TSPAN18: variants seen among roughly 807,000 people sequenced by gnomAD.
TSPAN18 encodes the protein tetraspanin-18.
TSPAN18 carries 14 observed loss-of-function variants against 27.3 expected under a neutral mutation model. The ratio of observed to expected loss-of-function variants is 0.51; its 90% CI spans 0.34 to 0.80. TSPAN18 has a LOEUF of 0.80. TSPAN18 is among the 30% of genes least tolerant of loss of function. The pLI is 0.01. For synonymous variants in TSPAN18, 143 were observed against 136.5 expected (o/e 1.05, Z -0.33); for missense variants, 268 against 323.9 (o/e 0.83, Z 1.32).
chr11:44,822,551 A>G, intron 2 of TSPAN18, among the ~76,000 whole-genome samples: 1 of 151,474 alleles, frequency 6.6e-6, no homozygotes, highest in Non-Finnish European at 1.5e-5. Context: ...CGTCACTTCC[A>G]CTATCATTGG....
At chr11:44,789,682 CCCAGAATGATG>C in intron 2 of TSPAN18, among the ~76,000 whole-genome samples, 1 of 152,114 alleles carries the variant, frequency 6.6e-6, no homozygotes, top group Admixed American at 6.6e-5. Context: ...GGGCCTGATA[CCCAGAATGATG>C]GTATTCGTGG....
intron 1 of TSPAN18, among the ~76,000 whole-genome samples, chr11:44,734,471 C>T (rs1311607466): frequency 2.6e-5 from 4 of 152,204 alleles, no homozygotes; most frequent in Admixed American, 6.5e-5. Context: ...GTGCCTGGCA[C>T]ATAGTAGGTG....
At chr11:44,819,144 C>G (rs1354459025) in intron 2 of TSPAN18, among the ~76,000 whole-genome samples, 1 of 152,312 alleles carries the variant, frequency 6.6e-6, no homozygotes, top group East Asian at 1.9e-4. Context: ...CCCCTTCTGT[C>G]AAGGCTGCCT....
chr11:44,760,265 G>A (rs573235128), intron 1 of TSPAN18, among the ~76,000 whole-genome samples: 1 of 152,200 alleles, frequency 6.6e-6, no homozygotes, highest in Non-Finnish European at 1.5e-5. Context: ...AGGGCAGAGC[G>A]GGGAACAAAG....
intron 3 of TSPAN18, among the ~76,000 whole-genome samples, chr11:44,897,527 C>T (rs1337497425): frequency 1.3e-5 from 2 of 152,198 alleles, no homozygotes; most frequent in African/African-American, 2.4e-5. Flanking sequence ...CAAGGCAGCA[C>T]CTGCAAAGGC....
intron 3 of TSPAN18, chr11:44,903,907 A>G (rs904288057): frequency 1.5e-5 from 7 of 456,522 alleles, no homozygotes; most frequent in African/African-American, 8.0e-5. Context: ...AATAAGGATA[A>G]TAAGAGTATT....
Position 44,918,059 on chromosome 11 carries a change from C to G in TSPAN18, c.333+13C>G. 1.2e-6 allele frequency: 2 copies of G among 1,613,594 alleles called. No homozygotes were observed. The highest frequency in any genetic ancestry group is 8.5e-7 in the Non-Finnish European group (1 of 1,179,862). On this transcript the variant is annotated intron_variant, in intron 6 of 9. Transcript: ENST00000520358. ...CTTCAGGGAAAATGTACGTATCAGG[C>G]CCCAAGCTTTCCTGCCTCCTGCTAT...
chr11:44,899,473 C>T (rs748707975), intron 3 of TSPAN18, among the ~76,000 whole-genome samples: 27 of 152,242 alleles, frequency 1.8e-4, no homozygotes, highest in Non-Finnish European at 2.8e-4. Context: ...AACACAGTCA[C>T]TCTCCCTGCT....
At chr11:44,888,761 C>A (rs1180806255) in intron 3 of TSPAN18, among the ~76,000 whole-genome samples, 2 of 152,206 alleles carry the variant, frequency 1.3e-5, no homozygotes, top group African/African-American at 4.8e-5. Flanking sequence ...AAGTTACTTT[C>A]TGGCTCAGCT....
At chr11:44,912,884 CTGTGTGTGCACATGTGTGTTGTGTGTGCA>C (rs1451682153) in intron 5 of TSPAN18, among the ~76,000 whole-genome samples, 2 of 29,478 alleles carry the variant, frequency 6.8e-5, no homozygotes, top group African/African-American at 3.8e-4. Flanking sequence ...GCACATGTGC[CTGTGTGTGCACATGTGTGTTGTGTGTGCA>C]TGTGTGTTGT....
chr11:44,738,589 A>ACGTCTCTCT (rs1407764975), intron 1 of TSPAN18, among the ~76,000 whole-genome samples: 1 of 152,144 alleles, frequency 6.6e-6, no homozygotes, highest in Admixed American at 6.5e-5. Context: ...GTTTCTTCTG[A>ACGTCTCTCT]CGTCTCTCTC....
intron 8 of TSPAN18, chr11:44,925,573 G>A (rs1860321648): frequency 6.6e-6 from 1 of 152,202 alleles, no homozygotes; most frequent in Non-Finnish European, 1.5e-5. Flanking sequence ...AAAGGGGCTG[G>A]GCTTCTGCAC....
chr11:44,777,259 G>A (rs1196501014), intron 2 of TSPAN18, among the ~76,000 whole-genome samples: 5 of 152,178 alleles, frequency 3.3e-5, no homozygotes, highest in African/African-American at 4.8e-5. Context: ...AGGGATCCAT[G>A]GAGTGAAGAG....
At chr11:44,753,891 T>C (rs1855270173) in intron 1 of TSPAN18, among the ~76,000 whole-genome samples, 1 of 152,208 alleles carries the variant, frequency 6.6e-6, no homozygotes, top group Non-Finnish European at 1.5e-5. Flanking sequence ...CATTTAATTG[T>C]ATTTGGACGC....
intron 3 of TSPAN18, among the ~76,000 whole-genome samples, chr11:44,875,170 C>CA (rs1174324948): frequency 6.6e-6 from 1 of 152,222 alleles, no homozygotes; most frequent in Non-Finnish European, 1.5e-5. Context: ...CAGCCCAACT[C>CA]ACAGCCAGCT....
In TSPAN18 at chr11:44,926,728, G is replaced by A. The variant is rs576919630; in HGVS notation, c.670G>A (p.Ala224Thr). 2 of 1,614,054 alleles carry A rather than the reference G, an allele frequency of 1.2e-6. No individual in the cohort carries two copies. Among genetic ancestry groups the A allele is most frequent in the African/African-American group, 1.3e-5 (1 of 74,940 alleles). ...CGAGACCTACGTCTACTTGGCCGGA[G>A]CCCTTGCCATCGGGGTACTGGCCAT... ...TFETYVYLAG[A>T]LAIGVLAIEL... The change falls in exon 9 of 10, where the codon GCC becomes ACC. Residue 224 changes from alanine to threonine, a missense_variant. Physicochemically the swap from Ala to Thr is moderately conservative, Grantham distance 58 (BLOSUM62 0). Coordinates refer to ENST00000520358, the MANE Select transcript of TSPAN18 (RefSeq NM_130783.5).
At chr11:44,818,328 C>A (rs1856855051) in intron 2 of TSPAN18, among the ~76,000 whole-genome samples, 1 of 152,230 alleles carries the variant, frequency 6.6e-6, no homozygotes, top group African/African-American at 2.4e-5. Context: ...CGCAGCCCTC[C>A]CAGGGCCCTG....
chr11:44,811,402 G>A (rs1019940813), intron 2 of TSPAN18, among the ~76,000 whole-genome samples: 18 of 151,996 alleles, frequency 1.2e-4, no homozygotes, highest in Admixed American at 1.1e-3. Context: ...AATCAGAAAT[G>A]TAAGCACAAT....
chr11:44,829,961 C>T (rs2135141262), intron 2 of TSPAN18, among the ~76,000 whole-genome samples: 1 of 152,306 alleles, frequency 6.6e-6, no homozygotes, highest in Admixed American at 6.5e-5. Flanking sequence ...GTGTCTCTCC[C>T]AGCATTCTGT....
Sources: gnomAD v4.1 joint callset for allele counts (sites outside exome capture counted in the v4.1 genomes callset) on GRCh38, gnomAD v4.1.1 for gene constraint, MANE v1.5 for transcripts, NCBI Gene and HGNC (gene_info 2026-07-23, HGNC 2026-07-21) for gene names.